The following NTM variants were observed in gnomAD, a reference collection of about 807,000 sequenced individuals.
The protein encoded by NTM is IgLON family member 2.
NTM carries 13 observed loss-of-function variants against 42.1 expected under a neutral mutation model. The observed-to-expected ratio is 0.31, with a 90% confidence interval of 0.20 to 0.49. The LOEUF is 0.49. NTM is among the 20% of genes least tolerant of loss of function. The pLI is 0.99. For synonymous variants in NTM, 187 were observed against 179.2 expected (o/e 1.04, Z -0.35); for missense variants, 373 against 452.8 (o/e 0.82, Z 1.60).
Position 131,711,536 on chromosome 11 carries a change from T to C in NTM, c.83-200028T>C, listed in dbSNP as rs571359144. On this transcript the variant is annotated intron_variant, in intron 1 of 8. Coordinates refer to ENST00000683400, the MANE Select transcript of NTM (RefSeq NM_001352005.2). The stretch of plus-strand genomic sequence containing the variant: ...GAACACTTTTACACTGTTGGTGGGA[T>C]CGTAAACTAATTCAACCATTGTGGA... Among the ~76,000 whole-genome samples the C allele has an allele frequency of 3.8e-4, 58 of 152,238 alleles. No homozygotes were observed. The East Asian group carries it at 8.2e-3, about 21-fold the overall frequency.
At chr11:131,416,162 G>T (rs1304427385) in intron 1 of NTM, among the ~76,000 whole-genome samples, 1 of 151,510 alleles carries the variant, frequency 6.6e-6, no homozygotes, top group Admixed American at 6.6e-5. Flanking sequence ...ATTTGGTACA[G>T]ATCATGAATT....
intron 1 of NTM, among the ~76,000 whole-genome samples, chr11:131,599,617 C>T (rs2324509): frequency 0.43 from 64,785 of 152,108 alleles, 15,990 homozygotes; most frequent in East Asian, 0.61. Flanking sequence ...GCTAAATATA[C>T]TTCCAGTCAT....
At chr11:131,908,232 G>A (rs55677267) in intron 1 of NTM, among the ~76,000 whole-genome samples, 18,799 of 152,224 alleles carry the variant, frequency 0.12, 1,237 homozygotes, top group Middle Eastern at 0.15. Flanking sequence ...ATCTCAAAGA[G>A]CCTGTAAGAA....
chr11:131,723,064 T>C (rs1052800796), intron 1 of NTM, among the ~76,000 whole-genome samples: 19 of 152,240 alleles, frequency 1.2e-4, no homozygotes, highest in Admixed American at 2.6e-4. Flanking sequence ...ACATAGCCAG[T>C]TGATGGCTGA....
intron 1 of NTM, among the ~76,000 whole-genome samples, chr11:131,521,945 T>A (rs1156646175): frequency 1.3e-5 from 2 of 152,218 alleles, no homozygotes; most frequent in Admixed American, 1.3e-4. Flanking sequence ...CATGTTTCTC[T>A]CATTTCTAAT....
At chr11:131,511,138 A>G (rs1470279667) in intron 1 of NTM, among the ~76,000 whole-genome samples, 1 of 152,164 alleles carries the variant, frequency 6.6e-6, no homozygotes, top group Non-Finnish European at 1.5e-5. Flanking sequence ...CCACGTGATG[A>G]GTGGTGCTTC....
rs1297825876 is a variant in NTM, at chr11:132,003,172, T to A, written c.167+91524T>A. On this transcript the variant is annotated intron_variant, in intron 2 of 8. Coordinates refer to ENST00000683400, the MANE Select transcript of NTM (RefSeq NM_001352005.2). This position sits in a 1 kb window ranked among gnomAD's most constrained non-coding sequence, Gnocchi z 6.0. ...AGCCCGGTTCTGAGCCAGAGTTATT[T>A]CGCTCTGCCAGTGGTGCACTTCAGA... Among the ~76,000 whole-genome samples, 1 of 152,128 alleles carries A rather than the reference T, an allele frequency of 6.6e-6. No individual in the cohort carries two copies. Among genetic ancestry groups the A allele is most frequent in the Non-Finnish European group, 1.5e-5 (1 of 68,026 alleles).
At chr11:131,781,484 C>T (rs1299045521) in intron 1 of NTM, among the ~76,000 whole-genome samples, 1 of 151,728 alleles carries the variant, frequency 6.6e-6, no homozygotes, top group Non-Finnish European at 1.5e-5. Flanking sequence ...AATATATGAA[C>T]TCAACTTAAA....
intron 1 of NTM, among the ~76,000 whole-genome samples, chr11:131,384,782 T>G (rs1403672838): frequency 6.6e-6 from 1 of 152,184 alleles, no homozygotes; most frequent in East Asian, 1.9e-4. Flanking sequence ...TGTTTGAGAA[T>G]ATGCATTATG....
intron 1 of NTM, among the ~76,000 whole-genome samples, chr11:131,492,479 A>T (rs549151036): frequency 2.0e-5 from 3 of 152,146 alleles, no homozygotes; most frequent in African/African-American, 7.2e-5. Context: ...TATTATCCCA[A>T]TGTTACCAAA....
intron 3 of NTM, among the ~76,000 whole-genome samples, chr11:132,163,903 T>C (rs766223277): frequency 3.3e-5 from 5 of 152,146 alleles, no homozygotes; most frequent in Non-Finnish European, 7.4e-5. Context: ...TTTTTTTTTT[T>C]ATTTTTACTC....
chr11:131,792,688 A>G (rs1161854867), intron 1 of NTM, among the ~76,000 whole-genome samples: 1 of 152,198 alleles, frequency 6.6e-6, no homozygotes, highest in Non-Finnish European at 1.5e-5. Flanking sequence ...ACAAATGGGC[A>G]CGGTGCCTTC....
intron 2 of NTM, among the ~76,000 whole-genome samples, chr11:132,053,824 A>G (rs2079196272): frequency 6.6e-6 from 1 of 152,186 alleles, no homozygotes; most frequent in African/African-American, 2.4e-5. Context: ...GATTACCCTA[A>G]TTGGTGGGTT....
At chr11:132,147,576 T>C (rs562495922) in intron 3 of NTM, among the ~76,000 whole-genome samples, 1 of 152,246 alleles carries the variant, frequency 6.6e-6, no homozygotes, top group East Asian at 1.9e-4. Context: ...TTTAGGACTT[T>C]TGTAATTTTT....
chr11:132,001,365 G>A, intron 2 of NTM, among the ~76,000 whole-genome samples: 1 of 152,206 alleles, frequency 6.6e-6, no homozygotes, highest in Middle Eastern at 3.2e-3. Flanking sequence ...GTAAGCTGTT[G>A]TGTGAGGCCA....
intron 2 of NTM, among the ~76,000 whole-genome samples, chr11:132,082,061 TAA>T (rs11358651): frequency 1.3e-3 from 185 of 143,850 alleles, no homozygotes; most frequent in African/African-American, 4.3e-3. Context: ...AATTAAAAGA[TAA>T]AAAAAAAAAC....
chr11:132,062,670 TA>T (rs1294408889), intron 2 of NTM, among the ~76,000 whole-genome samples: 1 of 152,232 alleles, frequency 6.6e-6, no homozygotes, highest in Admixed American at 6.5e-5. Context: ...TAGCCAGCCC[TA>T]ACCAAAATAT....
In NTM at chr11:131,800,103, C is replaced by T. The variant is rs182855283; in HGVS notation, c.83-111461C>T. On this transcript the variant is annotated intron_variant, in intron 1 of 8. Transcript: ENST00000683400. ...ATCCCCACACATAGTGCCAAGCCAG[C>T]GGAATGGGTGATGCTGAAGGAATTG... Among the ~76,000 whole-genome samples the T allele has an allele frequency of 3.4e-4, 51 of 152,238 alleles. No homozygotes were observed. The East Asian group carries it at 5.8e-3, about 17-fold the overall frequency.
intron 2 of NTM, among the ~76,000 whole-genome samples, chr11:131,994,834 G>A (rs1332438377): frequency 6.6e-6 from 1 of 151,954 alleles, no homozygotes; most frequent in East Asian, 1.9e-4. Flanking sequence ...GGCCCAAACT[G>A]GACTCTGTAT....
Sources: allele counts gnomAD v4.1 joint callset (sites outside exome capture counted in the v4.1 genomes callset), GRCh38; gene constraint gnomAD v4.1.1; non-coding constraint Gnocchi (gnomAD v3.1); transcripts MANE v1.5; gene names NCBI Gene and HGNC (gene_info 2026-07-23, HGNC 2026-07-21).